Variants in CREB5 observed in about 807,000 individuals in gnomAD.
The protein encoded by CREB5 is cyclic AMP-responsive element-binding protein 5.
Under a neutral mutation model 57.1 loss-of-function variants are expected in CREB5, and 19 were observed. The ratio of observed to expected loss-of-function variants is 0.33; its 90% confidence interval spans 0.23 to 0.49. The LOEUF (loss-of-function observed/expected upper bound fraction) is 0.49. Ranked by LOEUF, CREB5 falls within the 20% of genes least tolerant of loss-of-function variation. CREB5 has a pLI of 0.99. For missense variants in CREB5, 579 were observed against 671.6 expected, an observed-to-expected ratio of 0.86 and a Z score of 1.52; for synonymous variants, 238 against 238.3, an observed-to-expected ratio of 1.00 and a Z score of 0.01.
rs145622673 is a variant in CREB5, at chr7:28,511,570, G to A, written c.291+3833G>A. Among the ~76,000 whole-genome samples, 68 of 152,202 alleles carry A rather than the reference G, an allele frequency of 4.5e-4. No homozygotes were observed. In the East Asian group the frequency reaches 0.012, roughly 26 times the overall value. ...TGCAATCTCAGCTCACTGCAGCCTC[G>A]ACCTCTTGGGCTCAGTTGATCCTCC... is the stretch of plus-strand genomic sequence containing the variant. On this transcript the variant is annotated intron_variant, in intron 4 of 10. Coordinates refer to ENST00000357727, the MANE Select transcript of CREB5 (RefSeq NM_182898.4).
chr7:28,517,379 G>A (rs1793013037), intron 4 of CREB5, among the ~76,000 whole-genome samples: 1 of 152,190 alleles, frequency 6.6e-6, no homozygotes, highest in African/African-American at 2.4e-5. Flanking sequence ...TGAAAAGTCT[G>A]AGGCCAGAAC....
intron 5 of CREB5, among the ~76,000 whole-genome samples, chr7:28,691,313 G>A (rs140768737): frequency 7.9e-5 from 12 of 151,548 alleles, no homozygotes; most frequent in Middle Eastern, 3.4e-3. Context: ...TCAGCTACTC[G>A]GGAAGCTGAG....
chr7:28,594,804 A>G (rs1266802992), intron 5 of CREB5, among the ~76,000 whole-genome samples: 3 of 152,144 alleles, frequency 2.0e-5, no homozygotes, highest in Non-Finnish European at 4.4e-5. Flanking sequence ...GGCCCTTCAT[A>G]CATGTGAGGC....
chr7:28,409,228 C>G (rs999207440), upstream of CREB5: 1 of 151,006 alleles, frequency 6.6e-6, no homozygotes, highest in African/African-American at 2.4e-5. The surrounding 1 kb of genome is among the most constrained non-coding windows in gnomAD (Gnocchi z 4.4). Context: ...CGGGGCCTGC[C>G]CCCTCGACGC....
chr7:28,734,245 A>AG (rs2128753009), intron 7 of CREB5, among the ~76,000 whole-genome samples: 1 of 151,492 alleles, frequency 6.6e-6, no homozygotes, highest in Admixed American at 6.6e-5. Flanking sequence ...AACAAAAAAA[A>AG]CAGGTTAATG....
At chr7:28,579,033 G>A (rs1796015814) in intron 5 of CREB5, among the ~76,000 whole-genome samples, 1 of 152,180 alleles carries the variant, frequency 6.6e-6, no homozygotes, top group South Asian at 2.1e-4. Flanking sequence ...TTGCTCTAGG[G>A]ATAGAAAGCC....
intron 4 of CREB5, among the ~76,000 whole-genome samples, chr7:28,563,303 C>T (rs182736750): frequency 3.0e-4 from 45 of 152,290 alleles, no homozygotes; most frequent in African/African-American, 9.6e-4. Flanking sequence ...CATCCGTCAT[C>T]TCACATGATT....
chr7:28,744,860 C>T (rs1210001382), intron 7 of CREB5, among the ~76,000 whole-genome samples: 2 of 152,208 alleles, frequency 1.3e-5, no homozygotes, highest in Non-Finnish European at 1.5e-5. Flanking sequence ...AATCAAATCT[C>T]GAATTCCAGT....
chr7:28,544,532 G>T (rs1016390406), intron 4 of CREB5, among the ~76,000 whole-genome samples: 2 of 152,120 alleles, frequency 1.3e-5, no homozygotes, highest in Non-Finnish European at 2.9e-5. Flanking sequence ...AAACACAGAG[G>T]CTTCATCAGG....
At position 28,718,886 on chromosome 7, in the gene CREB5, G is replaced by A. The variant is rs1300622024; in HGVS notation, c.591+7G>A. ...TTCCGCCGTCTTGATGCCAGTAAGT[G>A]TTTCTGTGTGTCTCACAATAGCTTG... is the stretch of plus-strand genomic sequence containing the variant. On this transcript the variant is annotated splice_region_variant and intron_variant, in intron 6 of 10. Coordinates refer to ENST00000357727, the MANE Select transcript of CREB5 (RefSeq NM_182898.4). 6.2e-7 allele frequency: 1 copy of A among 1,613,994 alleles called. No individual in the cohort carries two copies. The highest frequency in any genetic ancestry group is 1.7e-5 in the Admixed American group (1 of 60,016).
At chr7:28,636,618 A>G (rs1245906474) in intron 5 of CREB5, among the ~76,000 whole-genome samples, 8 of 152,122 alleles carry the variant, frequency 5.3e-5, no homozygotes, top group Non-Finnish European at 1.5e-5. Context: ...TGACATCCCC[A>G]ATTATTTGTT....
intron 4 of CREB5, among the ~76,000 whole-genome samples, chr7:28,515,933 T>C (rs1283218924): frequency 1.3e-5 from 2 of 151,812 alleles, no homozygotes; most frequent in Non-Finnish European, 2.9e-5. Context: ...TGACCAGGTG[T>C]GGTGGCTTAT....
At position 28,773,173 on chromosome 7, in the gene CREB5, A is replaced by AC. The variant is rs577094854; in HGVS notation, c.703-31026_703-31025insC. On this transcript the variant is annotated intron_variant, in intron 7 of 10. Transcript: ENST00000357727. ...TAGCTTGGTTTCCAAAAACAAACAA[A>AC]AAAAAAATCACTTTAAGACTGTTTG... 2.6e-3 allele frequency among the ~76,000 whole-genome samples: 403 copies of AC among 152,304 alleles called. 2 individuals carry two copies. Among genetic ancestry groups the AC allele is most frequent in the African/African-American group, 9.4e-3 (389 of 41,560 alleles).
At chr7:28,720,996 C>T (rs758899199) in intron 6 of CREB5, among the ~76,000 whole-genome samples, 3 of 152,192 alleles carry the variant, frequency 2.0e-5, no homozygotes, top group East Asian at 1.9e-4. Flanking sequence ...ATTCCTACAG[C>T]TTGACCTCCT....
At chr7:28,405,624 C>T (rs1396736615) in intron 1 of CREB5, among the ~76,000 whole-genome samples, 6 of 152,094 alleles carry the variant, frequency 3.9e-5, no homozygotes, top group Non-Finnish European at 4.4e-5. Flanking sequence ...TCTATGTTGC[C>T]CAAGCTGGTC....
chr7:28,620,404 T>C (rs746860669), intron 5 of CREB5, among the ~76,000 whole-genome samples: 7 of 152,130 alleles, frequency 4.6e-5, no homozygotes, highest in Admixed American at 6.6e-5. Context: ...GGGAATTCTG[T>C]GATTAAAGAA....
chr7:28,591,983 C>T (rs774946479), intron 5 of CREB5, among the ~76,000 whole-genome samples: 2 of 152,098 alleles, frequency 1.3e-5, no homozygotes, highest in African/African-American at 2.4e-5. Flanking sequence ...AGCTGTAATG[C>T]AGAACCCATG....
chr7:28,583,576 C>T (rs1023518673), intron 5 of CREB5, among the ~76,000 whole-genome samples: 4 of 152,200 alleles, frequency 2.6e-5, no homozygotes, highest in East Asian at 3.8e-4. Context: ...TACACTTACA[C>T]ATGATTGCAA....
At position 28,470,016 on chromosome 7, in the gene CREB5, C is replaced by T. The variant is rs139853993; in HGVS notation, c.4-18159C>T. On this transcript the variant is annotated intron_variant, in intron 1 of 10. Transcript: ENST00000357727. ...CAGGCATGCAATGTGTAATAATCAT[C>T]ACATCATTGAAGATGGGGTATCCAT... Among the ~76,000 whole-genome samples the T allele has an allele frequency of 2.8e-3, 427 of 152,284 alleles. 4 individuals carry two copies. Among genetic ancestry groups the T allele is most frequent in the African/African-American group, 9.7e-3 (402 of 41,556 alleles).
Sources: allele counts gnomAD v4.1 joint callset (sites outside exome capture counted in the v4.1 genomes callset), GRCh38; gene constraint gnomAD v4.1.1; non-coding constraint Gnocchi (gnomAD v3.1); transcripts MANE v1.5; gene names NCBI Gene and HGNC (gene_info 2026-07-23, HGNC 2026-07-21).